The following GPHN variants were observed in gnomAD, a reference collection of about 807,000 sequenced individuals.
GPHN encodes the protein gephyrin.
A neutral mutation model predicts 95.5 loss-of-function variants in GPHN; 17 were observed. That is an observed-to-expected ratio of 0.18 (90% CI 0.12 to 0.27). GPHN has a LOEUF of 0.27. Among genes scored for constraint, GPHN ranks in the 10% least tolerant of loss-of-function variants. GPHN has a pLI of 1.00. For synonymous variants in GPHN, 320 were observed against 322.5 expected (o/e 0.99, Z 0.08); for missense variants, 660 against 978.1 (o/e 0.67, Z 4.34).
chr14:67,470,700 C>A, the GPHN span: 1 of 152,064 alleles, frequency 6.6e-6, no homozygotes, highest in Non-Finnish European at 1.5e-5. Flanking sequence ...TAAGCATAGG[C>A]CATTGTGACT....
chr14:67,311,096 GAGGTC>G, the GPHN span, among the ~76,000 whole-genome samples: 1 of 152,168 alleles, frequency 6.6e-6, no homozygotes, highest in African/African-American at 2.4e-5. Context: ...TGGATCACCT[GAGGTC>G]AGGAGTTCAA....
the GPHN span, among the ~76,000 whole-genome samples, chr14:67,357,926 A>T: frequency 2.7e-4 from 41 of 152,356 alleles, no homozygotes; most frequent in African/African-American, 8.9e-4. Context: ...GCTCTCAAAG[A>T]TACTTGAAGG....
chr14:67,031,322 T>C (rs546065599), intron 10 of GPHN, among the ~76,000 whole-genome samples: 1 of 152,344 alleles, frequency 6.6e-6, no homozygotes, highest in East Asian at 1.9e-4. Flanking sequence ...TAATTTCTTA[T>C]GCCTCCTATT....
At chr14:66,943,690 C>CT (rs35808442) in intron 8 of GPHN, among the ~76,000 whole-genome samples, 152,279 of 152,316 alleles carry the variant, frequency 1, 76,121 homozygotes, top group Middle Eastern at 1. Flanking sequence ...GATCCAAGCA[C>CT]TATCTTCCTT....
the GPHN span, chr14:67,573,796 TAC>T: frequency 1.2e-6 from 2 of 1,603,448 alleles, no homozygotes; most frequent in Non-Finnish European, 1.7e-6. This position sits in a 1 kb window ranked among gnomAD's most constrained non-coding sequence, Gnocchi z 4.8. Context: ...ATACTTTCTT[TAC>T]AGAGTGATGT....
At chr14:67,406,333 C>T in the GPHN span, among the ~76,000 whole-genome samples, 2 of 151,526 alleles carry the variant, frequency 1.3e-5, no homozygotes, top group Admixed American at 6.6e-5. Flanking sequence ...GGGCATGATA[C>T]AAACCCCAAG....
At chr14:67,220,330 T>A in the GPHN span, among the ~76,000 whole-genome samples, 3 of 152,112 alleles carry the variant, frequency 2.0e-5, no homozygotes, top group South Asian at 4.1e-4. Context: ...GAGGTCCCAG[T>A]TACTCAGGAG....
chr14:67,592,624 T>TATA, the GPHN span: 1 of 1,534,640 alleles, frequency 6.5e-7, no homozygotes, highest in South Asian at 1.1e-5. Context: ...GTAAAAGTAT[T>TATA]CTATGCTCAC....
the GPHN span, among the ~76,000 whole-genome samples, chr14:67,627,763 C>T: frequency 6.6e-6 from 1 of 152,092 alleles, no homozygotes; most frequent in Admixed American, 6.5e-5. Flanking sequence ...AGCAAGACCC[C>T]ATCTCTACAT....
intron 4 of GPHN, among the ~76,000 whole-genome samples, chr14:66,872,177 T>C (rs2063468435): frequency 6.6e-6 from 1 of 152,318 alleles, no homozygotes; most frequent in Non-Finnish European, 1.5e-5. Flanking sequence ...ATCTAATACA[T>C]ACCTGATGCA....
At chr14:67,684,774 A>T in the GPHN span, 1 of 337,030 alleles carries the variant, frequency 3.0e-6, no homozygotes, top group Non-Finnish European at 5.3e-6. Context: ...GACTGACATA[A>T]CAAAGACAGG....
chr14:67,723,468 T>TA, the GPHN span, among the ~76,000 whole-genome samples: 1 of 152,162 alleles, frequency 6.6e-6, no homozygotes, highest in Non-Finnish European at 1.5e-5. Context: ...CTCCTGGGCT[T>TA]AAGCGACCAT....
intron 5 of GPHN, among the ~76,000 whole-genome samples, chr14:66,892,302 A>G (rs1225755164): frequency 6.6e-6 from 1 of 152,082 alleles, no homozygotes; most frequent in African/African-American, 2.4e-5. Context: ...ACACACCTAT[A>G]ATCCTAGCTA....
At chr14:66,810,476 G>C (rs922557478) in intron 3 of GPHN, among the ~76,000 whole-genome samples, 32 of 151,598 alleles carry the variant, frequency 2.1e-4, no homozygotes, top group African/African-American at 7.7e-4. Flanking sequence ...AATGTTCAAA[G>C]GAAAATTGAC....
chr14:67,301,695 T>TC, the GPHN span, among the ~76,000 whole-genome samples: 1 of 152,178 alleles, frequency 6.6e-6, no homozygotes, highest in South Asian at 2.1e-4. Flanking sequence ...CAAAAATTCT[T>TC]CCCCCCTTTG....
intron 2 of GPHN, among the ~76,000 whole-genome samples, chr14:66,728,859 A>T (rs1372093996): frequency 6.6e-6 from 1 of 152,120 alleles, no homozygotes; most frequent in Non-Finnish European, 1.5e-5. Context: ...AAATGTGAGG[A>T]CATGAGATTT....
At chr14:66,718,896 A>G (rs935115479) in intron 2 of GPHN, among the ~76,000 whole-genome samples, 3 of 151,916 alleles carry the variant, frequency 2.0e-5, no homozygotes, top group Non-Finnish European at 4.4e-5. Flanking sequence ...GCTGTGGGGG[A>G]TGGGGGTGAG....
At chr14:66,571,132 G>A (rs2060672863) in intron 1 of GPHN, among the ~76,000 whole-genome samples, 1 of 152,122 alleles carries the variant, frequency 6.6e-6, no homozygotes, top group Non-Finnish European at 1.5e-5. Flanking sequence ...ACATGGCTAG[G>A]GAGGCCTCAG....
chr14:66,812,844 A>G (rs552110769), intron 3 of GPHN, among the ~76,000 whole-genome samples: 2 of 152,352 alleles, frequency 1.3e-5, no homozygotes, highest in African/African-American at 4.8e-5. Flanking sequence ...ATATTAATGT[A>G]TCCATGCATG....
Sources: allele counts gnomAD v4.1 joint callset (sites outside exome capture counted in the v4.1 genomes callset), GRCh38; gene constraint gnomAD v4.1.1; non-coding constraint Gnocchi (gnomAD v3.1); transcripts MANE v1.5; gene names NCBI Gene and HGNC (gene_info 2026-07-23, HGNC 2026-07-21).